Variants in AASDH observed in about 807,000 individuals in gnomAD.
AASDH encodes beta-alanine-activating enzyme.
A neutral mutation model predicts 102.3 loss-of-function variants in AASDH; 81 were observed. The observed-to-expected ratio is 0.79, with a 90% CI of 0.66 to 0.95. The LOEUF (loss-of-function observed/expected upper bound fraction) is 0.95. AASDH is among the 40% of genes least tolerant of loss of function. AASDH has a pLI of 0.00. For missense variants in AASDH, 1,203 were observed against 1,266.2 expected, an observed-to-expected ratio of 0.95 and a Z score of 0.76; for synonymous variants, 398 against 454.0, an observed-to-expected ratio of 0.88 and a Z score of 1.57.
intron 1 of AASDH, among the ~76,000 whole-genome samples, chr4:56,385,679 C>A (rs141459401): frequency 0.058 from 8,771 of 152,290 alleles, 373 homozygotes; most frequent in Non-Finnish European, 0.093. Context: ...CTCACTGCAA[C>A]CTCTGCCTCC....
chr4:56,342,005 G>A (rs539617890), intron 14 of AASDH, among the ~76,000 whole-genome samples: 1 of 151,630 alleles, frequency 6.6e-6, no homozygotes, highest in East Asian at 2.0e-4. Context: ...CCAGCTACTC[G>A]GGAGGCTGAA....
At chr4:56,372,840 A>T (rs1485590170) in intron 4 of AASDH, among the ~76,000 whole-genome samples, 1 of 152,238 alleles carries the variant, frequency 6.6e-6, no homozygotes, top group Non-Finnish European at 1.5e-5. Flanking sequence ...CAGAATGAAG[A>T]CCCAAAGACC....
intron 12 of AASDH, 139 bp downstream of exon 12, chr4:56,344,988 G>A (rs1041470573): frequency 5.7e-6 from 4 of 704,018 alleles, no homozygotes; most frequent in East Asian, 2.8e-5. Flanking sequence ...GTCACCCAGG[G>A]TGGAATACAC....
At chr4:56,351,025 C>T (rs1217435834) in intron 10 of AASDH, among the ~76,000 whole-genome samples, 1 of 152,182 alleles carries the variant, frequency 6.6e-6, no homozygotes, top group Non-Finnish European at 1.5e-5. Context: ...GCTATTTTCT[C>T]AGCTCTGACA....
chr4:56,383,859 C>G (rs1272701004), intron 2 of AASDH, among the ~76,000 whole-genome samples: 1 of 152,058 alleles, frequency 6.6e-6, no homozygotes, highest in Non-Finnish European at 1.5e-5. Flanking sequence ...TTAGTGAAAG[C>G]TTCTAGTCTT....
intron 11 of AASDH, among the ~76,000 whole-genome samples, chr4:56,348,243 G>A (rs1208674560): frequency 4.0e-5 from 6 of 149,740 alleles, no homozygotes; most frequent in South Asian, 2.1e-4. Context: ...AATGTGGCCT[G>A]AACTGAGTTA....
intron 5 of AASDH, among the ~76,000 whole-genome samples, chr4:56,358,505 T>A (rs551278977): frequency 7.8e-4 from 117 of 150,778 alleles, no homozygotes; most frequent in African/African-American, 2.8e-3. Context: ...CTTCTTCATA[T>A]TGGGAAAGTT....
At chr4:56,345,556 T>C (rs1748235067) in intron 11 of AASDH, among the ~76,000 whole-genome samples, 1 of 152,208 alleles carries the variant, frequency 6.6e-6, no homozygotes, top group Non-Finnish European at 1.5e-5. Flanking sequence ...GCTTCACTAC[T>C]GAAAAAATAA....
At chr4:56,371,812 T>C (rs1165978175) in intron 4 of AASDH, among the ~76,000 whole-genome samples, 169 bp from the exon 5 acceptor site, 1 of 152,256 alleles carries the variant, frequency 6.6e-6, no homozygotes, top group Non-Finnish European at 1.5e-5. Flanking sequence ...GGAAATCTTC[T>C]TTATAAAAGA....
chr4:56,356,870 T>C (rs890839502), intron 5 of AASDH: 8 of 964,406 alleles, frequency 8.3e-6, no homozygotes, highest in Non-Finnish European at 1.1e-5. Flanking sequence ...CCCAAGTCTG[T>C]GGCTCGCATC....
rs1749218338 is a variant in AASDH at position 56,353,399 on chromosome 4, T to G, written c.1576+5A>C. ...CTGAAACATATCTGCTTTAAATTAC[T>G]TTACCGTGGGATGTAAATGGTAGAG... On this transcript the variant is annotated splice_donor_5th_base_variant and intron_variant, in intron 9 of 14. Transcript: ENST00000205214. 1 of 1,584,554 alleles carries G rather than the reference T, an allele frequency of 6.3e-7. No individual in the cohort carries two copies. The highest frequency in any genetic ancestry group is 1.2e-5 in the South Asian group (1 of 86,860).
intron 10 of AASDH, among the ~76,000 whole-genome samples, chr4:56,350,677 T>C (rs1027118073): frequency 9.2e-5 from 14 of 152,134 alleles, no homozygotes; most frequent in African/African-American, 2.4e-4. Flanking sequence ...GCCCACAAGA[T>C]ACCAATAGCC....
At chr4:56,384,479 T>TG in intron 1 of AASDH, 138 bp from the exon 2 acceptor site, 2 of 572,016 alleles carry the variant, frequency 3.5e-6, no homozygotes, top group Non-Finnish European at 6.2e-6. Context: ...TCTGAACTTA[T>TG]GAAATTATGG....
intron 5 of AASDH, among the ~76,000 whole-genome samples, chr4:56,366,569 T>C (rs1332432762): frequency 6.6e-6 from 1 of 151,982 alleles, no homozygotes; most frequent in Non-Finnish European, 1.5e-5. Context: ...GTTCAATATA[T>C]GCAAATCAAT....
Position 56,338,457 on chromosome 4 carries a change from C to T in AASDH, c.3242G>A (p.Gly1081Glu), listed in dbSNP as rs552007054. 3 of 1,613,934 alleles carry T rather than the reference C, an allele frequency of 1.9e-6. No homozygotes were observed. The highest frequency in any genetic ancestry group is 2.2e-5 in the South Asian group (2 of 91,032). The change falls in exon 15 of 15, where the codon GGG becomes GAG. Residue 1081 changes from glycine (G) to glutamate (E), a missense_variant. Transcript: ENST00000205214. ...PVVLESMLII[G>E]CRDNYVYCLD... ...ACAATAAACATAATTATCTCTACAC[C>T]CAATAATGAGCATTGATTCCAGGAC...
chr4:56,361,707 T>C (rs1750317088), intron 5 of AASDH, among the ~76,000 whole-genome samples: 1 of 152,188 alleles, frequency 6.6e-6, no homozygotes, highest in Non-Finnish European at 1.5e-5. Flanking sequence ...TGGTGGCTCA[T>C]GCCTGTAATC....
chr4:56,375,407 T>C (rs930222877), intron 4 of AASDH, among the ~76,000 whole-genome samples: 1 of 152,250 alleles, frequency 6.6e-6, no homozygotes, highest in Non-Finnish European at 1.5e-5. Context: ...AATTTTTAAA[T>C]TGACTACTTT....
chr4:56,350,979 T>A (rs1348742374), intron 10 of AASDH, among the ~76,000 whole-genome samples: 1 of 152,230 alleles, frequency 6.6e-6, no homozygotes, highest in Non-Finnish European at 1.5e-5. Flanking sequence ...AAGCCCTAAG[T>A]ATAACAGACA....
At chr4:56,386,823 G>T (rs1465149145) in intron 1 of AASDH, among the ~76,000 whole-genome samples, 3 of 106,422 alleles carry the variant, frequency 2.8e-5, no homozygotes, top group African/African-American at 6.8e-5. Flanking sequence ...AAAAAAAAAA[G>T]GAAAAAAAAA....
Sources: allele counts gnomAD v4.1 joint callset (sites outside exome capture counted in the v4.1 genomes callset), GRCh38; gene constraint gnomAD v4.1.1; transcripts MANE v1.5; gene names NCBI Gene and HGNC (gene_info 2026-07-23, HGNC 2026-07-21).